SETX: variants seen among roughly 807,000 people sequenced by gnomAD.
SETX encodes the protein senataxin, also known as helicase senataxin.
In SETX, 90 loss-of-function variants were observed where a neutral mutation model predicts 227.2. The observed-to-expected ratio is 0.40, with a 90% CI of 0.33 to 0.47. The LOEUF is 0.47. Ranked by LOEUF, SETX falls within the 20% of genes least tolerant of loss-of-function variation. The probability of loss-of-function intolerance (pLI) is 0.91; values close to 1 mark genes in which losing one functional copy is unlikely to be tolerated. For synonymous variants in SETX, 1,210 were observed against 1,113.2 expected (o/e 1.09, Z -1.73); for missense variants, 3,052 against 3,181.5 (o/e 0.96, Z 0.98).
At position 132,300,784 on chromosome 9, in the gene SETX, T is replaced by G. The variant is rs1359106960; in HGVS notation, c.5394A>C (p.Glu1798Asp). 6.2e-7 allele frequency: 1 copy of G among 1,613,236 alleles called. No homozygotes were observed. The highest frequency in any genetic ancestry group is 8.5e-7 in the Non-Finnish European group (1 of 1,179,820). The change falls in exon 12 of 26, where the codon GAA (glutamate) becomes GAC (aspartate). Residue 1798 changes from glutamate (E) to aspartate (D), a missense_variant. Around this residue, in one of 10 missense-constraint regions of SETX, gnomAD observed 239 missense variants for 272.1 expected, o/e 0.88. Transcript: ENST00000224140. The stretch of plus-strand genomic sequence containing the variant: ...CCTTTGGATAAAGCTGTTTAGCCAG[T>G]TCACATTCTTCCAGATAAACTATGA... ...WEFAVYLEECELAKQLYPKEN... is the reference protein window; with the variant it reads ...WEFAVYLEECDLAKQLYPKEN...
At chr9:132,324,913 C>T (rs1846610960) in intron 10 of SETX, among the ~76,000 whole-genome samples, 1 of 152,212 alleles carries the variant, frequency 6.6e-6, no homozygotes, top group South Asian at 2.1e-4. Context: ...CAGTTGAATG[C>T]TTACACTAAA....
chr9:132,333,243 G>A (rs920294219), intron 7 of SETX, among the ~76,000 whole-genome samples: 1 of 151,268 alleles, frequency 6.6e-6, no homozygotes, highest in African/African-American at 2.4e-5. Flanking sequence ...GCCAGGTATG[G>A]TGGTGCATAC....
intron 10 of SETX, among the ~76,000 whole-genome samples, chr9:132,316,691 T>C (rs34348344): frequency 0.011 from 1,610 of 152,334 alleles, 12 homozygotes; most frequent in Non-Finnish European, 0.016. Flanking sequence ...TGATTTGTGA[T>C]GTCCTATTTA....
chr9:132,353,498 T>C (rs1044557096), intron 2 of SETX, among the ~76,000 whole-genome samples, 151 bp downstream of exon 2: 1 of 151,250 alleles, frequency 6.6e-6, no homozygotes, highest in Non-Finnish European at 1.5e-5. Flanking sequence ...CTGAGTGTCA[T>C]CACGTCTGGG....
rs1307765321 is a variant in SETX at position 132,330,409 on chromosome 9, T to C, written c.1189A>G (p.Ile397Val). The C allele has an allele frequency of 6.2e-7, 1 of 1,614,138 alleles. No homozygotes were observed. The highest frequency in any genetic ancestry group is 8.5e-7 in the Non-Finnish European group (1 of 1,180,000). ...TTATGAACACGCATGTCTTGACCAA[T>C]ATCTGACTGAAGTACACTGGCTAAT... is the stretch of plus-strand genomic sequence containing the variant. ...ETLASVLQSDIGQDMRVHNST... is the reference protein window; with the variant it reads ...ETLASVLQSDVGQDMRVHNST... Residue 397 changes from isoleucine to valine, a missense_variant, in exon 10 of 26, where the codon ATT (isoleucine) becomes GTT (valine). Ile to Val is a conservative substitution (Grantham distance 29). Around this residue, in one of 10 missense-constraint regions of SETX, gnomAD observed 39 missense variants for 84.8 expected, o/e 0.46. Transcript: ENST00000224140.
At chr9:132,323,015 T>C (rs1437526968) in intron 10 of SETX, among the ~76,000 whole-genome samples, 1 of 151,818 alleles carries the variant, frequency 6.6e-6, no homozygotes, top group Admixed American at 6.6e-5. Flanking sequence ...AGATGAAAGA[T>C]AGAAAAAATT....
intron 15 of SETX, among the ~76,000 whole-genome samples, chr9:132,295,197 C>T (rs756012433): frequency 1.5e-4 from 23 of 152,100 alleles, no homozygotes; most frequent in African/African-American, 4.6e-4. Flanking sequence ...TACATTCTAC[C>T]GAAAAAAGTT....
intron 4 of SETX, among the ~76,000 whole-genome samples, chr9:132,345,420 C>T (rs1302061873): frequency 2.0e-5 from 3 of 152,058 alleles, no homozygotes; most frequent in Admixed American, 2.0e-4. Flanking sequence ...ATTACAGGTG[C>T]CTGCCACCAC....
chr9:132,282,069 T>C (rs907361491), intron 19 of SETX, among the ~76,000 whole-genome samples: 1 of 104,772 alleles, frequency 9.5e-6, no homozygotes, highest in East Asian at 2.9e-4. Flanking sequence ...AAACAATAAA[T>C]AAATAAAAAG....
intron 11 of SETX, among the ~76,000 whole-genome samples, chr9:132,305,181 C>T (rs1370837731): frequency 2.0e-5 from 3 of 151,328 alleles, no homozygotes; most frequent in Admixed American, 2.0e-4. Flanking sequence ...GGTGAAACCC[C>T]GCCATTACTG....
chr9:132,326,894 G>A lies in SETX; in HGVS notation c.4704C>T (p.His1568=), dbSNP rs747924785. 1 of 1,614,180 alleles carries A rather than the reference G, an allele frequency of 6.2e-7. No individual in the cohort carries two copies. The highest frequency in any genetic ancestry group is 8.5e-7 in the Non-Finnish European group (1 of 1,180,042). The change falls in exon 10 of 26, where the codon CAC becomes CAT. Residue 1568 remains histidine, a synonymous_variant. Coordinates refer to ENST00000224140, the MANE Select transcript of SETX (RefSeq NM_015046.7). ...CTTCATCTGCTGCTTTCACTTCAGAGTGTTTTGGGCAGTATTCACCCTGGT... is the reference window on the plus strand; with the variant it reads ...CTTCATCTGCTGCTTTCACTTCAGAATGTTTTGGGCAGTATTCACCCTGGT... ...TKNQGEYCPK[H]SEVKAADEDV...
At chr9:132,344,611 A>G (rs1173909910) in intron 4 of SETX, among the ~76,000 whole-genome samples, 1 of 152,212 alleles carries the variant, frequency 6.6e-6, no homozygotes, top group East Asian at 1.9e-4. Flanking sequence ...ACGCTGGCTT[A>G]CACCTGTAAT....
At position 132,327,558 on chromosome 9, in the gene SETX, T is replaced by G. The variant is rs1178855118; in HGVS notation, c.4040A>C (p.Glu1347Ala). Residue 1347 changes from glutamate to alanine, a missense_variant, in exon 10 of 26, where the codon GAA becomes GCA. This residue lies in a region of SETX where 1,483 missense variants were observed against 1,312.0 expected (regional missense o/e 1.13). Coordinates refer to ENST00000224140, the MANE Select transcript of SETX (RefSeq NM_015046.7). ...TCTGATCTGCCTTTGCATCTGAAGT[T>G]CTTGACTAGTCAGAAGTTTCTTATT... is the stretch of plus-strand genomic sequence containing the variant. ...RNNKKLLTSQ[E>A]LQMQRQIRPK... 1.2e-6 allele frequency: 2 copies of G among 1,613,990 alleles called. No homozygotes were observed. Among genetic ancestry groups the G allele is most frequent in the Non-Finnish European group, 1.7e-6 (2 of 1,180,044 alleles).
At chr9:132,287,925 G>A (rs186527927) in intron 17 of SETX, among the ~76,000 whole-genome samples, 62 of 152,300 alleles carry the variant, frequency 4.1e-4, no homozygotes, top group Non-Finnish European at 7.8e-4. Flanking sequence ...TGTAATCCCA[G>A]CACTTTGGGA....
At chr9:132,271,250 A>C (rs1240676936) in intron 24 of SETX, among the ~76,000 whole-genome samples, 1 of 151,232 alleles carries the variant, frequency 6.6e-6, no homozygotes, top group African/African-American at 2.4e-5. Flanking sequence ...ACAGATTCAC[A>C]CTATGAAATG....
intron 4 of SETX, among the ~76,000 whole-genome samples, chr9:132,344,207 C>A (rs1487135586): frequency 6.6e-6 from 1 of 152,112 alleles, no homozygotes; most frequent in East Asian, 1.9e-4. Context: ...CAAGGGTCAA[C>A]TTAAGATGGT....
chr9:132,286,521 T>G (rs764779191), intron 17 of SETX, 27 bp from the exon 18 acceptor site: 2 of 1,540,538 alleles, frequency 1.3e-6, no homozygotes, highest in African/African-American at 1.4e-5. Flanking sequence ...ATGTCACAAT[T>G]AAAACTAAAC....
chr9:132,332,178 A>G (rs1215387966), intron 7 of SETX, among the ~76,000 whole-genome samples: 1 of 152,222 alleles, frequency 6.6e-6, no homozygotes, highest in African/African-American at 2.4e-5. Flanking sequence ...AACTTAAAAG[A>G]TATTGATCTA....
At chr9:132,288,772 A>G in intron 15 of SETX, 121 bp from the exon 16 acceptor site, 1 of 725,498 alleles carries the variant, frequency 1.4e-6, no homozygotes, top group Non-Finnish European at 2.4e-6. Context: ...GCAAACATGA[A>G]CTTCCAATTA....
Sources: allele counts gnomAD v4.1 joint callset (sites outside exome capture counted in the v4.1 genomes callset), GRCh38; gene constraint gnomAD v4.1.1; regional missense constraint gnomAD v4.1.1; transcripts MANE v1.5; gene names NCBI Gene and HGNC (gene_info 2026-07-23, HGNC 2026-07-21).